PSAP: variants seen among roughly 807,000 people sequenced by gnomAD.
PSAP encodes the protein prosaposin.
A neutral mutation model predicts 66.0 loss-of-function variants in PSAP; 25 were observed. The ratio of observed to expected loss-of-function variants is 0.38; its 90% CI spans 0.28 to 0.53. The LOEUF is 0.53. PSAP is among the 20% of genes least tolerant of loss of function. The probability of loss-of-function intolerance (pLI) is 0.83; values close to 1 mark genes in which losing one functional copy is unlikely to be tolerated. For missense variants in PSAP, 649 were observed against 668.8 expected (o/e 0.97, Z 0.33); for synonymous variants, 273 against 258.9 (o/e 1.05, Z -0.52).
chr10:71,820,352 A>AG lies in PSAP; in HGVS notation c.910-18dup, dbSNP rs781070833. On this transcript the variant is annotated splice_polypyrimidine_tract_variant and intron_variant, in intron 8 of 13. Coordinates refer to ENST00000394936, the MANE Select transcript of PSAP (RefSeq NM_002778.4). ...CTCGTGCTTCTGTGGAAAGAGTAGAAGGAGAGTACTTTCAATGCTGGGACT... is the reference window on the plus strand; with the variant it reads ...CTCGTGCTTCTGTGGAAAGAGTAGAAGGGAGAGTACTTTCAATGCTGGGACT... 7 of 1,601,322 alleles carry AG rather than the reference A, an allele frequency of 4.4e-6. No homozygotes were observed.
intron 2 of PSAP, 34 bp downstream of exon 2, chr10:71,834,338 G>C (rs1421317476): frequency 6.2e-7 from 1 of 1,612,248 alleles, no homozygotes; most frequent in East Asian, 2.2e-5. Flanking sequence ...CAAGAGGAGT[G>C]CTGCGGCTGG....
At chr10:71,837,836 A>T (rs1329955598) in intron 1 of PSAP, among the ~76,000 whole-genome samples, 1 of 152,220 alleles carries the variant, frequency 6.6e-6, no homozygotes, top group African/African-American at 2.4e-5. Context: ...AGAACATTCC[A>T]AAGGAGTCCA....
At position 71,851,170 on chromosome 10, in the gene PSAP, C is replaced by T. The variant is rs886047153; in HGVS notation, c.40+12G>A. ...GGCACCTCCTCCCCAGGATGAGGGT[C>T]CCAGGGCTTACCCGCGCCCAGGAGG... is the stretch of plus-strand genomic sequence containing the variant. On this transcript the variant is annotated intron_variant, in intron 1 of 13. Transcript: ENST00000394936. The T allele has an allele frequency of 3.2e-5, 49 of 1,550,830 alleles. No homozygotes were observed. Among genetic ancestry groups the T allele is most frequent in the Non-Finnish European group, 4.3e-5 (49 of 1,146,796 alleles).
rs1842180976 is a variant in PSAP, at chr10:71,817,074, A to C, written c.*367T>G. Reference sequence around the variant, plus strand: ...AGCCCAGGCCCACCAGTGCCCAAGCACATGTCAGGGCTCAGAACAAGGCCT... The same window carrying C: ...AGCCCAGGCCCACCAGTGCCCAAGCCCATGTCAGGGCTCAGAACAAGGCCT... On this transcript the variant is annotated 3_prime_UTR_variant, in exon 14 of 14. Transcript: ENST00000394936. The C allele has an allele frequency of 2.6e-6, 1 of 388,142 alleles. No individual in the cohort carries two copies. Among genetic ancestry groups the C allele is most frequent in the Non-Finnish European group, 4.8e-6 (1 of 206,998 alleles). 24.0% of individuals were successfully genotyped at this position (388,142 alleles called of 1,614,324 possible). A position where few individuals can be genotyped will look rare whatever the true frequency, so the allele number is the denominator to read the frequency against.
intron 1 of PSAP, among the ~76,000 whole-genome samples, chr10:71,849,808 T>C (rs890989787): frequency 2.0e-5 from 3 of 152,110 alleles, no homozygotes; most frequent in Admixed American, 6.5e-5. Flanking sequence ...CGCACCCAGA[T>C]GCAAGACATT....
rs201780377 is a variant in PSAP at position 71,851,250 on chromosome 10, G to A, written c.-29C>T. On this transcript the variant is annotated 5_prime_UTR_variant, in exon 1 of 14. Transcript: ENST00000394936. ...GCCGTCTGACTCCGCAGTCTGCAAT[G>A]CGGAGCGTCAGCTGATCCCCCGCAG... The A allele has an allele frequency of 9.0e-5, 139 of 1,550,038 alleles. No individual in the cohort carries two copies. The highest frequency in any genetic ancestry group is 4.6e-4 in the African/African-American group (34 of 73,174).
At chr10:71,831,348 C>G in intron 3 of PSAP, 97 bp from the exon 4 acceptor site, 2 of 1,515,322 alleles carry the variant, frequency 1.3e-6, no homozygotes, top group South Asian at 1.2e-5. Context: ...CCAGAAAAAC[C>G]AAGCCTGGAA....
At chr10:71,837,947 T>C (rs75118323) in intron 1 of PSAP, among the ~76,000 whole-genome samples, 1 of 152,136 alleles carries the variant, frequency 6.6e-6, no homozygotes, top group East Asian at 1.9e-4. Context: ...TCTCAGGTGC[T>C]TGGGGGAATG....
rs7917015 is a variant in PSAP at position 71,840,763 on chromosome 10, T to C, written c.41-6258A>G. 4.0e-3 allele frequency among the ~76,000 whole-genome samples: 611 copies of C among 152,304 alleles called. 4 individuals carry two copies. Among genetic ancestry groups the C allele is most frequent in the African/African-American group, 0.014 (569 of 41,540 alleles). On this transcript the variant is annotated intron_variant, in intron 1 of 13. Coordinates refer to ENST00000394936, the MANE Select transcript of PSAP (RefSeq NM_002778.4). ...TACAGCCTCGCTTCTTAATTTTCCT[T>C]ACAAGCCAGATGATTCCAGGGCAGG... is the stretch of plus-strand genomic sequence containing the variant.
chr10:71,827,522 T>TCAC (rs1842419972), intron 6 of PSAP, among the ~76,000 whole-genome samples: 1 of 149,180 alleles, frequency 6.7e-6, no homozygotes, highest in East Asian at 2.0e-4. Flanking sequence ...AGATCAGGAG[T>TCAC]TTGAGACCAG....
At chr10:71,848,642 G>C (rs902081034) in intron 1 of PSAP, among the ~76,000 whole-genome samples, 1 of 152,208 alleles carries the variant, frequency 6.6e-6, no homozygotes, top group African/African-American at 2.4e-5. Context: ...TCCCGATTCA[G>C]GGTGGCATTC....
intron 1 of PSAP, 147 bp downstream of exon 1, chr10:71,851,035 A>G (rs1385754347): frequency 2.1e-6 from 2 of 942,780 alleles, no homozygotes; most frequent in Admixed American, 2.2e-5. Flanking sequence ...AAGCCAGAGA[A>G]AGCCAGCGAA....
chr10:71,829,081 G>T lies in PSAP; in HGVS notation c.376-4C>A, dbSNP rs750779234. Reference sequence around the variant, plus strand: ...AGCACACCTCCCCAGGACGGCTCTGGTGGGATGGAAAGAAGTCCTGCTGAA... The same window carrying T: ...AGCACACCTCCCCAGGACGGCTCTGTTGGGATGGAAAGAAGTCCTGCTGAA... On this transcript the variant is annotated splice_region_variant and splice_polypyrimidine_tract_variant and intron_variant, in intron 4 of 13. Transcript: ENST00000394936. The T allele has an allele frequency of 1.9e-6, 3 of 1,613,400 alleles. No homozygotes were observed. The highest frequency in any genetic ancestry group is 2.5e-6 in the Non-Finnish European group (3 of 1,179,524).
At chr10:71,825,688 A>G (rs548685900) in intron 7 of PSAP, 149 bp downstream of exon 7, 13 of 738,428 alleles carry the variant, frequency 1.8e-5, no homozygotes, top group African/African-American at 1.7e-4. Context: ...GCAAGTGGAG[A>G]GTCTCCTAGC....
chr10:71,820,107 T>C, intron 9 of PSAP, 133 bp downstream of exon 9: 2 of 968,708 alleles, frequency 2.1e-6, no homozygotes, highest in Non-Finnish European at 3.3e-6. Flanking sequence ...AGGATTGCCT[T>C]CCACGAGATG....
chr10:71,839,156 T>C (rs1182809705), intron 1 of PSAP, among the ~76,000 whole-genome samples: 2 of 140,434 alleles, frequency 1.4e-5, no homozygotes, highest in African/African-American at 4.9e-5. Context: ...AAATGTGTCA[T>C]AAAGACATGA....
At chr10:71,824,538 G>A (rs1842363348) in intron 7 of PSAP, among the ~76,000 whole-genome samples, 1 of 152,190 alleles carries the variant, frequency 6.6e-6, no homozygotes, top group Non-Finnish European at 1.5e-5. Context: ...TCTTCCCAAA[G>A]GCAAACCTGA....
intron 1 of PSAP, among the ~76,000 whole-genome samples, chr10:71,835,650 A>C (rs1421299332): frequency 1.3e-5 from 2 of 152,142 alleles, no homozygotes; most frequent in Admixed American, 1.3e-4. Flanking sequence ...AATGGGGAAA[A>C]AAATCCTCAG....
chr10:71,842,342 A>G (rs1265205660), intron 1 of PSAP, among the ~76,000 whole-genome samples: 2 of 152,248 alleles, frequency 1.3e-5, no homozygotes, highest in African/African-American at 4.8e-5. Flanking sequence ...GTTTTGGAAA[A>G]TATTTTTTCA....
Sources: allele counts gnomAD v4.1 joint callset (sites outside exome capture counted in the v4.1 genomes callset), GRCh38; gene constraint gnomAD v4.1.1; transcripts MANE v1.5; gene names NCBI Gene and HGNC (gene_info 2026-07-23, HGNC 2026-07-21).